Variants in TSPAN3 observed in about 807,000 individuals in gnomAD.
TSPAN3 encodes tetraspanin-3.
A neutral mutation model predicts 31.1 loss-of-function variants in TSPAN3; 9 were observed. The ratio of observed to expected loss-of-function variants is 0.29; its 90% CI spans 0.17 to 0.50. The LOEUF (loss-of-function observed/expected upper bound fraction) is 0.50. Among genes scored for constraint, TSPAN3 ranks in the 20% least tolerant of loss-of-function variants. The probability of loss-of-function intolerance (pLI) is 0.98; values close to 1 mark genes in which losing one functional copy is unlikely to be tolerated. For synonymous variants in TSPAN3, 129 were observed against 114.3 expected (o/e 1.13, Z -0.82); for missense variants, 252 against 313.5 (o/e 0.80, Z 1.48).
intron 6 of TSPAN3, among the ~76,000 whole-genome samples, chr15:77,048,380 TCCCCA>T (rs889479818): frequency 1.6e-5 from 2 of 126,282 alleles, no homozygotes; most frequent in African/African-American, 6.0e-5. Context: ...CACCCCCACC[TCCCCA>T]CACTCCTTTC....
chr15:77,053,598 G>A (rs2076747608), intron 4 of TSPAN3, among the ~76,000 whole-genome samples: 1 of 148,418 alleles, frequency 6.7e-6, no homozygotes, highest in East Asian at 2.1e-4. Context: ...TATTTCCAAT[G>A]ACAAAGTATT....
At chr15:77,049,496 C>T (rs575827658) in intron 6 of TSPAN3, among the ~76,000 whole-genome samples, 3 of 152,216 alleles carry the variant, frequency 2.0e-5, no homozygotes, top group Admixed American at 6.5e-5. Context: ...AGATTTTTGT[C>T]AATTATTATG....
Position 77,070,909 on chromosome 15 carries a change from G to T in TSPAN3, c.46C>A (p.Leu16Ile). 7.0e-7 allele frequency: 1 copy of T among 1,426,834 alleles called. No individual in the cohort carries two copies. 88.4% of individuals were successfully genotyped at this position (1,426,834 alleles called of 1,614,324 possible). The change falls in exon 1 of 7, where the codon CTC (leucine) becomes ATC (isoleucine). Residue 16 changes from leucine to isoleucine, a missense_variant. Coordinates refer to ENST00000267970, the MANE Select transcript of TSPAN3 (RefSeq NM_005724.6). ...ITSSKTVLVFLNLIFWGAAGI... is the reference protein window; with the variant it reads ...ITSSKTVLVFINLIFWGAAGI... ...CCGCTCACCCAGAAGATGAGGTTGAGAAAGACCAGCACGGTCTTGGAGGAG... is the reference window on the plus strand; with the variant it reads ...CCGCTCACCCAGAAGATGAGGTTGATAAAGACCAGCACGGTCTTGGAGGAG...
Position 77,042,256 on chromosome 15 carries a change from ATTG to A in TSPAN3, c.*4576_*4578del, listed in dbSNP as rs2076664352. The A allele has an allele frequency of 1.3e-5, 2 of 152,228 alleles. No homozygotes were observed. The highest frequency in any genetic ancestry group is 1.3e-4 in the Admixed American group (2 of 15,278). 9.4% of individuals were successfully genotyped at this position (152,228 alleles called of 1,614,324 possible). On this transcript the variant is annotated 3_prime_UTR_variant, in exon 7 of 7. Transcript: ENST00000267970. ...TGGGTACTTCTTTACAGATGTCTGT[ATTG>A]TTCACATTTTTTAAAGCACCAATTA...
intron 1 of TSPAN3, chr15:77,065,024 C>T (rs2076823279): frequency 6.6e-6 from 1 of 152,184 alleles, no homozygotes; most frequent in Non-Finnish European, 1.5e-5. Context: ...CGGTATAAAC[C>T]TCTTAGTAAT....
At chr15:77,067,575 A>G (rs1568546829) in intron 1 of TSPAN3, 1 of 152,206 alleles carries the variant, frequency 6.6e-6, no homozygotes, top group East Asian at 1.9e-4. Flanking sequence ...ACCTAGGTAA[A>G]CATTTGATAA....
At chr15:77,070,716 G>C (rs1169666924) in intron 1 of TSPAN3, among the ~76,000 whole-genome samples, 176 bp downstream of exon 1, 2 of 151,426 alleles carry the variant, frequency 1.3e-5, no homozygotes, top group Non-Finnish European at 3.0e-5. Context: ...GGCTTGGTCC[G>C]GCAGGGACCT....
chr15:77,052,889 T>C lies in TSPAN3; in HGVS notation c.473A>G (p.Asn158Ser), dbSNP rs996548343. ...CGIHNYSDWE[N>S]TDWFKETKNQ... ...TTTGGTTTCTTTGAACCAATCTGTA[T>C]TTTCCCAGTCTGAGTAGTTGTGAAT... Residue 158 changes from asparagine to serine, a missense_variant, in exon 5 of 7, where the codon AAT becomes AGT. Physicochemically the swap from Asn to Ser is conservative, Grantham distance 46. Coordinates refer to ENST00000267970, the MANE Select transcript of TSPAN3 (RefSeq NM_005724.6). The C allele has an allele frequency of 8.1e-6, 13 of 1,614,024 alleles. No individual in the cohort carries two copies. Among genetic ancestry groups the C allele is most frequent in the African/African-American group, 1.3e-5 (1 of 75,036 alleles).
chr15:77,069,519 G>A (rs1336661080), intron 1 of TSPAN3, among the ~76,000 whole-genome samples: 1 of 152,174 alleles, frequency 6.6e-6, no homozygotes, highest in Non-Finnish European at 1.5e-5. Flanking sequence ...AATTGGAAAA[G>A]AAGAAATCAC....
chr15:77,061,689 T>C (rs546922908), intron 1 of TSPAN3, among the ~76,000 whole-genome samples: 7 of 152,308 alleles, frequency 4.6e-5, no homozygotes, highest in African/African-American at 1.4e-4. Flanking sequence ...TATACCTACA[T>C]GGAGATTTAG....
At chr15:77,062,675 A>G (rs1420096904) in intron 1 of TSPAN3, among the ~76,000 whole-genome samples, 1 of 152,236 alleles carries the variant, frequency 6.6e-6, no homozygotes, top group African/African-American at 2.4e-5. Context: ...TGATGCCTTT[A>G]TACCTACTTA....
intron 1 of TSPAN3, 38 bp downstream of exon 1, chr15:77,070,854 C>A: frequency 8.0e-7 from 1 of 1,251,678 alleles, no homozygotes; most frequent in Middle Eastern, 3.0e-4. Context: ...CTCGCCCGGC[C>A]CCGCCGCCGG....
intron 1 of TSPAN3, among the ~76,000 whole-genome samples, chr15:77,057,560 T>G (rs1463697946): frequency 6.6e-6 from 1 of 152,238 alleles, no homozygotes; most frequent in South Asian, 2.1e-4. Context: ...AAATGTAACA[T>G]GAACTTTTTA....
rs1011869482 is a variant in TSPAN3 at position 77,045,606 on chromosome 15, T to C, written c.*1229A>G. 2.6e-5 allele frequency: 4 copies of C among 152,486 alleles called. No homozygotes were observed. The highest frequency in any genetic ancestry group is 9.6e-5 in the African/African-American group (4 of 41,576). 9.4% of individuals were successfully genotyped at this position (152,486 alleles called of 1,614,324 possible). ...GCACACACAATTTTGTTTCACACTC[T>C]TGTGTACCATCTTTCAACAAAGCCT... On this transcript the variant is annotated 3_prime_UTR_variant, in exon 7 of 7. Coordinates refer to ENST00000267970, the MANE Select transcript of TSPAN3 (RefSeq NM_005724.6).
rs1568546412 is a variant in TSPAN3 at position 77,066,532 on chromosome 15, A to ACTG, written c.63+4357_63+4359dup. Among the ~76,000 whole-genome samples, 3 of 121,362 alleles carry ACTG rather than the reference A, an allele frequency of 2.5e-5. No homozygotes were observed. In the East Asian group the frequency reaches 8.8e-4, roughly 36 times the overall value. 79.6% of individuals were successfully genotyped at this position (121,362 alleles called of 152,430 possible). ...GGCTGCAGTCAGCCAAGATCGCACC[A>ACTG]CTGCACTCCAGCCTGGGCGACAGAG... is the stretch of plus-strand genomic sequence containing the variant. On this transcript the variant is annotated intron_variant, in intron 1 of 6. Transcript: ENST00000267970.
intron 5 of TSPAN3, 65 bp downstream of exon 5, chr15:77,052,712 G>C (rs916962261): frequency 6.4e-7 from 1 of 1,556,176 alleles, no homozygotes; most frequent in South Asian, 1.2e-5. Context: ...AGTCCCAGAT[G>C]GTGATAAGAC....
At chr15:77,059,691 T>C (rs1268228470) in intron 1 of TSPAN3, among the ~76,000 whole-genome samples, 1 of 152,220 alleles carries the variant, frequency 6.6e-6, no homozygotes, top group Non-Finnish European at 1.5e-5. Flanking sequence ...ATGAATTCCA[T>C]TTCTGAGCTT....
chr15:77,066,571 C>CAAAAAAAAAAAAAAAAA (rs35737479), intron 1 of TSPAN3, among the ~76,000 whole-genome samples: 5 of 59,354 alleles, frequency 8.4e-5, no homozygotes, highest in African/African-American at 3.7e-4. Context: ...GACTTCGTCT[C>CAAAAAAAAAAAAAAAAA]AAAAAAAAAA....
At chr15:77,048,081 A>C (rs549572241) in intron 6 of TSPAN3, among the ~76,000 whole-genome samples, 14 of 152,274 alleles carry the variant, frequency 9.2e-5, no homozygotes, top group African/African-American at 3.4e-4. Flanking sequence ...CATCAGTTTC[A>C]CTATTTCACC....
Sources: gnomAD v4.1 joint callset for allele counts (sites outside exome capture counted in the v4.1 genomes callset) on GRCh38, gnomAD v4.1.1 for gene constraint, MANE v1.5 for transcripts, NCBI Gene and HGNC (gene_info 2026-07-23, HGNC 2026-07-21) for gene names.